The following ADAMTSL1 variants were observed in gnomAD, a reference collection of about 807,000 sequenced individuals.
The protein encoded by ADAMTSL1 is ADAMTS-like protein 1.
ADAMTSL1 carries 126 observed loss-of-function variants against 201.8 expected under a neutral mutation model. That is an observed-to-expected ratio of 0.62 (90% CI 0.54 to 0.72). The LOEUF (loss-of-function observed/expected upper bound fraction) is 0.72. ADAMTSL1 is among the 30% of genes least tolerant of loss of function. The pLI, the probability that ADAMTSL1 is intolerant of heterozygous loss-of-function variation, is 0.00. For synonymous variants in ADAMTSL1, 1,121 were observed against 903.4 expected (o/e 1.24, Z -4.32); for missense variants, 2,679 against 2,277.8 (o/e 1.18, Z -3.59).
chr9:17,922,846 T>A (rs1826362807), intron 1 of ADAMTSL1, among the ~76,000 whole-genome samples: 1 of 152,166 alleles, frequency 6.6e-6, no homozygotes, highest in Non-Finnish European at 1.5e-5. Context: ...TGTTTATAAG[T>A]GGTTTTCAGA....
chr9:18,178,915 C>T (rs1423172894), intron 2 of ADAMTSL1, among the ~76,000 whole-genome samples: 1 of 151,768 alleles, frequency 6.6e-6, no homozygotes, highest in Non-Finnish European at 1.5e-5. Flanking sequence ...GATAAAACCA[C>T]AAAGATGGGG....
intron 2 of ADAMTSL1, among the ~76,000 whole-genome samples, chr9:18,279,150 C>T (rs973507467): frequency 3.9e-5 from 6 of 152,126 alleles, no homozygotes; most frequent in Admixed American, 1.3e-4. Flanking sequence ...AGTTGTCCCT[C>T]AGTATACATG....
chr9:18,252,456 T>A (rs1831499832), intron 2 of ADAMTSL1, among the ~76,000 whole-genome samples: 1 of 152,144 alleles, frequency 6.6e-6, no homozygotes, highest in Non-Finnish European at 1.5e-5. Context: ...TATAAAATGG[T>A]ATACTATTTG....
At chr9:18,316,194 C>G (rs1834387607) in intron 2 of ADAMTSL1, among the ~76,000 whole-genome samples, 1 of 152,102 alleles carries the variant, frequency 6.6e-6, no homozygotes, top group Non-Finnish European at 1.5e-5. Flanking sequence ...CAAGTGGAGG[C>G]AGGGCAAGAT....
At chr9:18,899,088 C>T (rs2131594635) in intron 26 of ADAMTSL1, among the ~76,000 whole-genome samples, 1 of 152,322 alleles carries the variant, frequency 6.6e-6, no homozygotes, top group East Asian at 1.9e-4. Flanking sequence ...TGATAAGCAA[C>T]TTCAGCAAAG....
At chr9:18,715,499 G>C (rs10811019) in intron 14 of ADAMTSL1, among the ~76,000 whole-genome samples, 85,267 of 151,718 alleles carry the variant, frequency 0.56, 24,127 homozygotes, top group East Asian at 0.68. Context: ...GCTTCAAAGA[G>C]GATAAAATAC....
At chr9:17,910,092 G>A (rs115301125) in intron 1 of ADAMTSL1, among the ~76,000 whole-genome samples, 1,928 of 67,892 alleles carry the variant, frequency 0.028, 520 homozygotes, top group African/African-American at 0.05. Context: ...CAGTCCCGGC[G>A]CTGTCCCTAA....
intron 1 of ADAMTSL1, among the ~76,000 whole-genome samples, chr9:18,496,937 T>C (rs948588680): frequency 1.3e-5 from 2 of 152,190 alleles, no homozygotes; most frequent in African/African-American, 2.4e-5. Flanking sequence ...AAGTTGGGAA[T>C]TCACAAAAAG....
chr9:18,468,985 C>A (rs538278161), intron 2 of ADAMTSL1, among the ~76,000 whole-genome samples: 24 of 152,186 alleles, frequency 1.6e-4, no homozygotes, highest in Non-Finnish European at 3.1e-4. Context: ...AATCTAAAAT[C>A]ATATTTTTTG....
At chr9:18,686,157 G>A (rs1830823042) in intron 13 of ADAMTSL1, among the ~76,000 whole-genome samples, 1 of 152,120 alleles carries the variant, frequency 6.6e-6, no homozygotes, top group South Asian at 2.1e-4. Flanking sequence ...CTGACCTCAA[G>A]CAATCCGCCT....
intron 2 of ADAMTSL1, among the ~76,000 whole-genome samples, chr9:18,239,644 A>C (rs1341254017): frequency 6.6e-6 from 1 of 152,124 alleles, no homozygotes; most frequent in Admixed American, 6.5e-5. Flanking sequence ...GCTACTCGGG[A>C]GGCTGAGGCA....
intron 5 of ADAMTSL1, among the ~76,000 whole-genome samples, chr9:18,629,056 T>A (rs1383433781): frequency 6.6e-6 from 1 of 152,156 alleles, no homozygotes; most frequent in East Asian, 1.9e-4. Context: ...CATGTCCAAT[T>A]ATATATTCCT....
chr9:18,069,834 T>C (rs1032992229), intron 1 of ADAMTSL1, among the ~76,000 whole-genome samples: 5 of 152,152 alleles, frequency 3.3e-5, no homozygotes, highest in Admixed American at 2.6e-4. Flanking sequence ...GCATTGGTGG[T>C]GCAGAGAAAA....
intron 4 of ADAMTSL1, among the ~76,000 whole-genome samples, chr9:18,591,901 T>C (rs1409915422): frequency 6.6e-6 from 1 of 152,196 alleles, no homozygotes; most frequent in Non-Finnish European, 1.5e-5. Context: ...GAAGAAGTGG[T>C]AAGCAGTTGG....
chr9:18,870,326 G>C (rs1229700327), intron 23 of ADAMTSL1, among the ~76,000 whole-genome samples: 1 of 152,136 alleles, frequency 6.6e-6, no homozygotes, highest in African/African-American at 2.4e-5. Context: ...TACGGATATA[G>C]AGGCTCTGAA....
chr9:18,181,180 G>T (rs201857839), intron 2 of ADAMTSL1, among the ~76,000 whole-genome samples: 1 of 152,052 alleles, frequency 6.6e-6, no homozygotes, highest in Non-Finnish European at 1.5e-5. Flanking sequence ...AACCATAAAA[G>T]CCCTAGAAGA....
intron 23 of ADAMTSL1, among the ~76,000 whole-genome samples, chr9:18,839,959 C>A (rs36193503): frequency 4.0e-5 from 6 of 149,518 alleles, no homozygotes; most frequent in Non-Finnish European, 7.4e-5. Flanking sequence ...GAGTAGGTTG[C>A]GAAAATTTTC....
At chr9:18,159,202 T>C (rs1234993719) in intron 1 of ADAMTSL1, among the ~76,000 whole-genome samples, 1 of 152,012 alleles carries the variant, frequency 6.6e-6, no homozygotes, top group Non-Finnish European at 1.5e-5. Context: ...AAACTATGAA[T>C]CAAAATACAG....
chr9:18,279,418 G>A (rs1451230342), intron 2 of ADAMTSL1, among the ~76,000 whole-genome samples: 2 of 151,566 alleles, frequency 1.3e-5, no homozygotes, highest in Non-Finnish European at 2.9e-5. Flanking sequence ...TTTCTTAAGG[G>A]TCAGTTACTA....
Sources: gnomAD v4.1 joint callset for allele counts (sites outside exome capture counted in the v4.1 genomes callset) on GRCh38, gnomAD v4.1.1 for gene constraint, MANE v1.5 for transcripts, NCBI Gene and HGNC (gene_info 2026-07-23, HGNC 2026-07-21) for gene names.